ADH4: variants seen among roughly 807,000 people sequenced by gnomAD.
ADH4 encodes the protein all-trans-retinol dehydrogenase [NAD(+)] ADH4.
Under a neutral mutation model 35.2 loss-of-function variants are expected in ADH4, and 31 were observed. The ratio of observed to expected loss-of-function variants is 0.88; its 90% CI spans 0.66 to 1.19. The LOEUF is 1.19. ADH4 is among the 50% of genes most tolerant of loss of function. The pLI is 0.00. For missense variants in ADH4, 476 were observed against 458.3 expected (o/e 1.04, Z -0.35); for synonymous variants, 171 against 160.2 (o/e 1.07, Z -0.51).
At chr4:99,134,504 A>G (rs1040675708) in intron 5 of ADH4, among the ~76,000 whole-genome samples, 2 of 152,082 alleles carry the variant, frequency 1.3e-5, no homozygotes, top group African/African-American at 2.4e-5. Flanking sequence ...CCTTAAAAGG[A>G]CTGGAGTAGT....
intron 6 of ADH4, among the ~76,000 whole-genome samples, chr4:99,127,664 A>G (rs1453107491): frequency 6.6e-6 from 1 of 151,968 alleles, no homozygotes; most frequent in Non-Finnish European, 1.5e-5. Context: ...CCCCGTCTCT[A>G]CTAAAAATAC....
At chr4:99,143,138 G>A (rs1729687478) in intron 1 of ADH4, 1 of 701,456 alleles carries the variant, frequency 1.4e-6, no homozygotes, top group South Asian at 1.5e-5. Context: ...TCTATTGAGT[G>A]AACTGTTTGA....
intron 1 of ADH4, among the ~76,000 whole-genome samples, chr4:99,143,900 A>G (rs1382897233): frequency 1.3e-5 from 2 of 152,124 alleles, no homozygotes; most frequent in Non-Finnish European, 2.9e-5. Context: ...ATTTTCCCAT[A>G]TTCTCCTGCA....
chr4:99,131,249 CT>C (rs1729261364), intron 6 of ADH4, among the ~76,000 whole-genome samples: 1 of 151,990 alleles, frequency 6.6e-6, no homozygotes, highest in East Asian at 1.9e-4. Flanking sequence ...ACAAATAATG[CT>C]GGTATGGCTT....
In ADH4 at chr4:99,126,731, A is replaced by T. The variant is rs1294286113; in HGVS notation, c.981T>A (p.Gly327=). 2 of 1,597,098 alleles carry T rather than the reference A, an allele frequency of 1.3e-6. No homozygotes were observed. The highest frequency in any genetic ancestry group is 2.3e-5 in the South Asian group (2 of 88,884). ...TTGGGATAGAATCTACACTTTTCCA[A>T]CCTGTAATGTGGACAAAATGCAAAA... The part of the protein sequence containing the change: ...GRTINGTFFG[G]WKSVDSIPKL... The change falls in exon 8 of 9, where the codon GGT becomes GGA. Residue 327 remains glycine, a splice_region_variant and synonymous_variant. Transcript: ENST00000265512.
chr4:99,141,171 T>C (rs1316312295), intron 3 of ADH4, among the ~76,000 whole-genome samples: 1 of 152,202 alleles, frequency 6.6e-6, no homozygotes, highest in Non-Finnish European at 1.5e-5. Flanking sequence ...AATAGTTTGC[T>C]AAGGATAATG....
intron 6 of ADH4, among the ~76,000 whole-genome samples, chr4:99,128,408 C>T (rs938974968): frequency 2.6e-5 from 4 of 151,998 alleles, no homozygotes; most frequent in South Asian, 2.1e-4. Flanking sequence ...TGCACTCCAC[C>T]GGGCGACAGA....
In ADH4 at chr4:99,142,761, G is replaced by A; in HGVS notation, c.38C>T (p.Ala13Val). The A allele has an allele frequency of 6.2e-7, 1 of 1,602,140 alleles. No individual in the cohort carries two copies. The highest frequency in any genetic ancestry group is 2.2e-5 in the East Asian group (1 of 44,508). The change falls in exon 2 of 9, where the codon GCC becomes GTC. Residue 13 changes from alanine (A) to valine (V), a missense_variant. Transcript: ENST00000265512. ...TKGKVIKCKA[A>V]IAWEAGKPLC... ...GGGCTTGCCTGCTTCCCAGGCGATG[G>A]CTGCTTTGCATTTAATAACCTGAAA...
At chr4:99,125,078 T>C (rs891172864) in intron 8 of ADH4, among the ~76,000 whole-genome samples, 1 of 152,208 alleles carries the variant, frequency 6.6e-6, no homozygotes, top group Non-Finnish European at 1.5e-5. Flanking sequence ...TCTGTGTCCT[T>C]TCCTCACTCT....
At chr4:99,141,333 C>G (rs1256731499) in intron 3 of ADH4, among the ~76,000 whole-genome samples, 1 of 152,188 alleles carries the variant, frequency 6.6e-6, no homozygotes, top group Non-Finnish European at 1.5e-5. Flanking sequence ...AAAGTGACCA[C>G]ATTTCCTAGA....
Position 99,131,778 on chromosome 4 carries a change from A to G in ADH4, c.583-14T>C. The stretch of plus-strand genomic sequence containing the variant: ...ACCAGGGGTGACCTGCAAGCAGGAA[A>G]ATTATAAAGTAACTTCTAAAGCAGC... On this transcript the variant is annotated splice_polypyrimidine_tract_variant and intron_variant, in intron 5 of 8. Coordinates refer to ENST00000265512, the MANE Select transcript of ADH4 (RefSeq NM_000670.5). The G allele has an allele frequency of 6.2e-7, 1 of 1,606,594 alleles. No individual in the cohort carries two copies. Among genetic ancestry groups the G allele is most frequent in the Non-Finnish European group, 8.5e-7 (1 of 1,177,150 alleles).
At chr4:99,136,151 G>A (rs1729425813) in intron 5 of ADH4, among the ~76,000 whole-genome samples, 1 of 152,134 alleles carries the variant, frequency 6.6e-6, no homozygotes. Flanking sequence ...TTCATCCTTA[G>A]GAGACATATT....
Position 99,126,654 on chromosome 4 carries a change from G to C in ADH4, c.1058C>G (p.Thr353Ser), listed in dbSNP as rs1340125319. The C allele has an allele frequency of 6.2e-7, 1 of 1,612,004 alleles. No homozygotes were observed. Among genetic ancestry groups the C allele is most frequent in the East Asian group, 2.2e-5 (1 of 44,862 alleles). The part of the protein sequence containing the change: ...NKKFNLDALV[T>S]HTLPFDKISE... ...GATTTTGTCAAAAGGCAGGGTATGG[G>C]TCACCAGTGCATCCAGATTGAATTT... The change falls in exon 8 of 9, where the codon ACC (threonine) becomes AGC (serine). Residue 353 changes from threonine (T) to serine (S), a missense_variant. Transcript: ENST00000265512.
At chr4:99,133,819 A>C (rs13143133) in intron 5 of ADH4, 1 of 152,118 alleles carries the variant, frequency 6.6e-6, no homozygotes. Context: ...AGTTTAATAC[A>C]TTCTAAATTG....
chr4:99,143,442 A>G, intron 1 of ADH4: 1 of 391,672 alleles, frequency 2.6e-6, no homozygotes, highest in East Asian at 3.9e-5. Flanking sequence ...AAGATGAATG[A>G]ACAGAAATTA....
Position 99,136,587 on chromosome 4 carries a change from T to C in ADH4, c.461A>G (p.Gln154Arg). The C allele has an allele frequency of 1.2e-6, 2 of 1,614,100 alleles. No homozygotes were observed. Among genetic ancestry groups the C allele is most frequent in the Non-Finnish European group, 1.7e-6 (2 of 1,179,946 alleles). Residue 154 changes from glutamine (Q) to arginine (R), a missense_variant, in exon 5 of 9, where the codon CAG (glutamine) becomes CGG (arginine). Transcript: ENST00000265512. ...ATTGATATCTGACACCACAGTGTAC[T>C]GAGAGAATGTACTGGTTCCAAAGAA... ...YHFFGTSTFSQYTVVSDINLA... is the reference protein window; with the variant it reads ...YHFFGTSTFSRYTVVSDINLA...
chr4:99,138,965 G>A, intron 4 of ADH4, 96 bp downstream of exon 4: 2 of 799,946 alleles, frequency 2.5e-6, no homozygotes, highest in Non-Finnish European at 2.0e-6. Context: ...GTGGGTGGAA[G>A]GTTTGCACCT....
chr4:99,140,864 C>G (rs1334058904), intron 3 of ADH4, among the ~76,000 whole-genome samples: 3 of 70,764 alleles, frequency 4.2e-5, no homozygotes, highest in Admixed American at 1.5e-4. Flanking sequence ...AAGGCTCCAT[C>G]TCAAAAAAAA....
intron 8 of ADH4, among the ~76,000 whole-genome samples, chr4:99,126,183 G>A (rs981251496): frequency 2.0e-5 from 3 of 152,154 alleles, no homozygotes; most frequent in African/African-American, 7.2e-5. Context: ...CTGCCACAGA[G>A]GCATGGTTTT....
Sources: gnomAD v4.1 joint callset for allele counts (sites outside exome capture counted in the v4.1 genomes callset) on GRCh38, gnomAD v4.1.1 for gene constraint, MANE v1.5 for transcripts, NCBI Gene and HGNC (gene_info 2026-07-23, HGNC 2026-07-21) for gene names.